GPM6B: variants seen among roughly 807,000 people sequenced by gnomAD.
GPM6B encodes the protein neuronal membrane glycoprotein M6-b.
In GPM6B, 4 loss-of-function variants were observed where a neutral mutation model predicts 27.2. The observed-to-expected ratio is 0.15, with a 90% CI of 0.07 to 0.34. The LOEUF (loss-of-function observed/expected upper bound fraction) is 0.34. GPM6B is among the 10% of genes least tolerant of loss of function. The pLI is 1.00. For missense variants in GPM6B, 183 were observed against 261.9 expected, an observed-to-expected ratio of 0.70 and a Z score of 2.08; for synonymous variants, 124 against 103.1, an observed-to-expected ratio of 1.20 and a Z score of -1.23.
At chrX:13,929,398 A>G (rs2147077694) in intron 1 of GPM6B, among the ~76,000 whole-genome samples, 1 of 108,920 alleles carries the variant, frequency 9.2e-6, no homozygotes, top group African/African-American at 3.4e-5. Context: ...TCCCCATTAT[A>G]TCTCCAGATT....
At chrX:13,938,027 G>A (rs1413818926) in intron 1 of GPM6B, among the ~76,000 whole-genome samples, 1 of 111,769 alleles carries the variant, frequency 8.9e-6, no homozygotes, top group African/African-American at 3.3e-5. Context: ...CCAGGCTTGG[G>A]GAACCGGGTG....
At chrX:13,857,862 G>C (rs1231013210) in intron 1 of GPM6B, among the ~76,000 whole-genome samples, 2 of 112,673 alleles carry the variant, frequency 1.8e-5, no homozygotes, top group African/African-American at 6.4e-5. Flanking sequence ...AGATAAACAA[G>C]TAAGCAAGGT....
In GPM6B at chrX:13,871,104, CAAAACAAAACAA is replaced by C. The variant is rs1449415219; in HGVS notation, c.-198+67211_-198+67222del. ...AAAAACAAAACAAAACAAAACAAAA[CAAAACAAAACAA>C]AAAAAAAAGAAGTTAGAGCTGTTTC... On this transcript the variant is annotated intron_variant, in intron 1 of 6. Transcript: ENST00000398361. Among the ~76,000 whole-genome samples the C allele has an allele frequency of 3.6e-4, 15 of 41,343 alleles. No individual in the cohort carries two copies. In the East Asian group the frequency reaches 4.8e-3, roughly 13 times the overall value. 35.9% of individuals were successfully genotyped at this position (41,343 alleles called of 115,157 possible).
chrX:13,909,114 C>T (rs2050354633), intron 1 of GPM6B, among the ~76,000 whole-genome samples: 1 of 92,401 alleles, frequency 1.1e-5, no homozygotes. Flanking sequence ...CCCTATTGTT[C>T]ATATCCTTTT....
rs113757346 is a variant in GPM6B at position 13,771,943 on chromosome X, T to G, written c.*938A>C. ...GCAATTAGGTTTTAGATAGTTGGTA[T>G]GAAACTGTAAACTTCGTATCCAGAC... On this transcript the variant is annotated 3_prime_UTR_variant, in exon 8 of 8. Coordinates refer to ENST00000316715, the MANE Select transcript of GPM6B (RefSeq NM_001001995.3). 1 of 112,554 alleles carries G rather than the reference T, an allele frequency of 8.9e-6. No homozygotes were observed. Among genetic ancestry groups the G allele is most frequent in the East Asian group, 2.8e-4 (1 of 3,636 alleles). 9.3% of individuals were successfully genotyped at this position (112,554 alleles called of 1,213,427 possible).
chrX:13,792,226 G>A (rs1311232753), intron 2 of GPM6B, among the ~76,000 whole-genome samples: 1 of 111,384 alleles, frequency 9.0e-6, no homozygotes, highest in South Asian at 3.7e-4. Context: ...CCAAAGCTGG[G>A]GGAGAGGGTG....
chrX:13,918,253 G>A (rs967450625), intron 1 of GPM6B, among the ~76,000 whole-genome samples: 4 of 113,017 alleles, frequency 3.5e-5, no homozygotes, highest in African/African-American at 9.6e-5. Flanking sequence ...GGCAATGAAC[G>A]TGCACAACGA....
intron 1 of GPM6B, among the ~76,000 whole-genome samples, chrX:13,878,871 G>C (rs1440453946): frequency 8.9e-6 from 1 of 111,876 alleles, no homozygotes; most frequent in Non-Finnish European, 1.9e-5. Context: ...TGGCTTTGAA[G>C]ATGTAGGAAA....
At chrX:13,906,717 G>C (rs1419236791) in intron 1 of GPM6B, among the ~76,000 whole-genome samples, 2 of 111,788 alleles carry the variant, frequency 1.8e-5, no homozygotes, top group Non-Finnish European at 3.8e-5. Context: ...TCATATTTTA[G>C]GCTCAAATTC....
At chrX:13,842,850 T>C (rs1358134293) in intron 1 of GPM6B, among the ~76,000 whole-genome samples, 1 of 112,354 alleles carries the variant, frequency 8.9e-6, no homozygotes, top group Non-Finnish European at 1.9e-5. Flanking sequence ...CATAAAATAA[T>C]GTATTAATAT....
At chrX:13,935,746 A>T (rs985038558) in intron 1 of GPM6B, among the ~76,000 whole-genome samples, 2 of 112,084 alleles carry the variant, frequency 1.8e-5, no homozygotes, top group African/African-American at 6.5e-5. Flanking sequence ...CAGAGTTAAC[A>T]CTGAAGGGTG....
At chrX:13,861,923 C>G (rs984148284) in intron 1 of GPM6B, among the ~76,000 whole-genome samples, 49 of 111,717 alleles carry the variant, frequency 4.4e-4, no homozygotes, top group African/African-American at 1.4e-3. Flanking sequence ...CAACTTCTCA[C>G]CAGATTCTTC....
chrX:13,779,490 G>T (rs1490354020), intron 5 of GPM6B, among the ~76,000 whole-genome samples: 1 of 111,719 alleles, frequency 9.0e-6, no homozygotes, highest in Non-Finnish European at 1.9e-5. Context: ...TGAAAATAAA[G>T]AAAAAATACA....
At chrX:13,870,128 G>A (rs188114109) in intron 1 of GPM6B, among the ~76,000 whole-genome samples, 2 of 112,126 alleles carry the variant, frequency 1.8e-5, no homozygotes, top group East Asian at 5.6e-4. Flanking sequence ...AACCAGAGTA[G>A]TAATACTGTA....
chrX:13,792,709 A>G (rs2048735759), intron 2 of GPM6B, among the ~76,000 whole-genome samples: 1 of 111,221 alleles, frequency 9.0e-6, no homozygotes. Flanking sequence ...ACACCATCCC[A>G]GCCAACATGG....
Position 13,841,752 on chromosome X carries a change from G to C in GPM6B, c.-197-55944C>G, listed in dbSNP as rs149891527. ...CCAGAACTAACACTTTCATGGAGTT[G>C]TTCAACCAATCTACAATGGAACCCC... On this transcript the variant is annotated intron_variant, in intron 1 of 6. Transcript: ENST00000398361. Among the ~76,000 whole-genome samples, 82 of 111,496 alleles carry C rather than the reference G, an allele frequency of 7.4e-4. 1 individual carries two copies. The highest frequency in any genetic ancestry group is 2.5e-3 in the African/African-American group (75 of 30,587).
At chrX:13,828,153 C>A (rs1487509125) in intron 1 of GPM6B, among the ~76,000 whole-genome samples, 1 of 111,760 alleles carries the variant, frequency 8.9e-6, no homozygotes, top group African/African-American at 3.3e-5. Context: ...CAACTATCAC[C>A]AACTGTTATG....
chrX:13,914,091 G>A (rs185645136), intron 1 of GPM6B, among the ~76,000 whole-genome samples: 1 of 111,286 alleles, frequency 9.0e-6, no homozygotes. Flanking sequence ...TAAGCTACAT[G>A]GGTCTTTCAA....
intron 5 of GPM6B, among the ~76,000 whole-genome samples, chrX:13,778,411 C>CT (rs1261088770): frequency 8.9e-6 from 1 of 112,373 alleles, no homozygotes; most frequent in Non-Finnish European, 1.9e-5. Context: ...CAAGCAGAGT[C>CT]TATGATTTCT....
Sources: gnomAD v4.1 joint callset for allele counts (sites outside exome capture counted in the v4.1 genomes callset) on GRCh38, gnomAD v4.1.1 for gene constraint, MANE v1.5 for transcripts, NCBI Gene and HGNC (gene_info 2026-07-23, HGNC 2026-07-21) for gene names.